Variants in CTNNA3 observed in about 807,000 individuals in gnomAD.
CTNNA3 encodes the protein catenin alpha-3.
A neutral mutation model predicts 95.7 loss-of-function variants in CTNNA3; 76 were observed. That is an observed-to-expected ratio of 0.79 (90% confidence interval 0.66 to 0.96). The LOEUF (loss-of-function observed/expected upper bound fraction) is 0.96, where lower values mean the gene tolerates loss of function less well. Ranked by LOEUF, CTNNA3 falls within the 40% of genes least tolerant of loss-of-function variation. The probability of loss-of-function intolerance (pLI) is 0.00; values close to 1 mark genes in which losing one functional copy is unlikely to be tolerated. For missense variants in CTNNA3, 1,191 were observed against 1,089.8 expected, an observed-to-expected ratio of 1.09 and a Z score of -1.31; for synonymous variants, 431 against 374.4, an observed-to-expected ratio of 1.15 and a Z score of -1.74.
At chr10:65,934,850 G>A (rs890628360) in intron 17 of CTNNA3, among the ~76,000 whole-genome samples, 2 of 152,046 alleles carry the variant, frequency 1.3e-5, no homozygotes, top group Non-Finnish European at 2.9e-5. Flanking sequence ...ATTGATTGAG[G>A]ACCGATATAA....
At position 66,291,267 on chromosome 10, in the gene CTNNA3, T is replaced by C. The variant is rs555216948; in HGVS notation, c.1733-10646A>G. Among the ~76,000 whole-genome samples, 7 of 152,288 alleles carry C rather than the reference T, an allele frequency of 4.6e-5. 1 individual carries two copies. In the South Asian group the frequency reaches 1.0e-3, roughly 23 times the overall value. ...TAGTCCTGTGCAAACAGTAAATTCA[T>C]TGCTCGGTAAACTTTATTATAACAC... On this transcript the variant is annotated intron_variant, in intron 12 of 17. Transcript: ENST00000433211.
chr10:66,162,937 C>T lies in CTNNA3; in HGVS notation c.1885-59688G>A, dbSNP rs1285295241. Among the ~76,000 whole-genome samples, 6 of 152,016 alleles carry T rather than the reference C, an allele frequency of 3.9e-5. No individual in the cohort carries two copies. In the East Asian group the frequency reaches 1.2e-3, roughly 30 times the overall value. ...TTCCCAGGTCACTGGAGTTGTGTAC[C>T]TAGGAGGATTACGGCTGCCTCTGTT... On this transcript the variant is annotated intron_variant, in intron 13 of 17. Coordinates refer to ENST00000433211, the MANE Select transcript of CTNNA3 (RefSeq NM_013266.4).
intron 7 of CTNNA3, among the ~76,000 whole-genome samples, chr10:67,081,907 G>A (rs971053150): frequency 2.6e-5 from 4 of 152,294 alleles, no homozygotes; most frequent in African/African-American, 9.6e-5. Context: ...CACTAGTTAT[G>A]TTTATATGCA....
chr10:66,852,740 A>G (rs1432045610), intron 7 of CTNNA3, among the ~76,000 whole-genome samples: 1 of 152,184 alleles, frequency 6.6e-6, no homozygotes, highest in South Asian at 2.1e-4. Context: ...ACTGTAAAAC[A>G]TAAGTTTACA....
intron 7 of CTNNA3, among the ~76,000 whole-genome samples, chr10:67,142,719 G>C (rs762483524): frequency 6.6e-5 from 10 of 152,066 alleles, no homozygotes; most frequent in Non-Finnish European, 1.2e-4. Context: ...GGATCACAAG[G>C]TCAGGAGATC....
chr10:67,751,836 CAAAA>C (rs34653199), intron 1 of CTNNA3, among the ~76,000 whole-genome samples: 1 of 93,168 alleles, frequency 1.1e-5, no homozygotes, highest in Non-Finnish European at 2.4e-5. Context: ...AGCTACCAAC[CAAAA>C]AAAAAAAAAA....
At chr10:67,276,129 T>C (rs561753218) in intron 5 of CTNNA3, among the ~76,000 whole-genome samples, 91 of 152,282 alleles carry the variant, frequency 6.0e-4, no homozygotes, top group African/African-American at 2.0e-3. Flanking sequence ...TTGTCACTAG[T>C]TGCAAATTAA....
chr10:66,456,390 A>G (rs987196255), intron 11 of CTNNA3, among the ~76,000 whole-genome samples: 2 of 152,198 alleles, frequency 1.3e-5, no homozygotes, highest in African/African-American at 2.4e-5. Context: ...GTGCAAAATA[A>G]TCCAATGGGG....
intron 2 of CTNNA3, among the ~76,000 whole-genome samples, chr10:67,640,358 T>C (rs367617175): frequency 1.5e-3 from 226 of 151,510 alleles, no homozygotes; most frequent in African/African-American, 5.2e-3. Flanking sequence ...TAAAAGAGGA[T>C]ACAAACAAAT....
chr10:67,736,181 A>G (rs1481985476), intron 1 of CTNNA3, among the ~76,000 whole-genome samples: 1 of 152,216 alleles, frequency 6.6e-6, no homozygotes, highest in Non-Finnish European at 1.5e-5. Context: ...TAAGTGAAAT[A>G]AGCCTGACAC....
At chr10:66,868,151 G>A (rs912864422) in intron 7 of CTNNA3, among the ~76,000 whole-genome samples, 6 of 147,398 alleles carry the variant, frequency 4.1e-5, no homozygotes, top group African/African-American at 1.5e-4. Context: ...GAGGTCAGGA[G>A]TTCAAGACCA....
At chr10:65,995,801 TA>T (rs2078644690) in intron 15 of CTNNA3, among the ~76,000 whole-genome samples, 1 of 152,170 alleles carries the variant, frequency 6.6e-6, no homozygotes, top group Non-Finnish European at 1.5e-5. Flanking sequence ...GGCCTGCGCT[TA>T]AGCACCTGAA....
chr10:66,549,396 G>A (rs1376374992), intron 10 of CTNNA3, among the ~76,000 whole-genome samples: 2 of 152,044 alleles, frequency 1.3e-5, no homozygotes, highest in Admixed American at 6.6e-5. Flanking sequence ...ATTGATTATC[G>A]TTTTTATTAT....
rs77701032 is a variant in CTNNA3 at position 67,129,970 on chromosome 10, A to C, written c.1047+50347T>G. The stretch of plus-strand genomic sequence containing the variant: ...AGAGAGTTATCTAGGATCCATATAG[A>C]AGCATACTTAGATATTTTCTGATAT... On this transcript the variant is annotated intron_variant, in intron 7 of 17. Transcript: ENST00000433211. 9.0e-3 allele frequency among the ~76,000 whole-genome samples: 1,368 copies of C among 152,252 alleles called. 28 individuals carry two copies. Among genetic ancestry groups the C allele is most frequent in the African/African-American group, 0.031 (1,303 of 41,568 alleles).
chr10:66,695,541 CCT>C lies in CTNNA3; in HGVS notation c.1281+70721_1281+70722del, dbSNP rs142711149. 6.9e-3 allele frequency among the ~76,000 whole-genome samples: 1,056 copies of C among 151,986 alleles called. 12 individuals are homozygous for C. The highest frequency in any genetic ancestry group is 0.024 in the African/African-American group (1,001 of 41,436). Reference sequence around the variant, plus strand: ...AGAATCTATTATTATCCTCGAATACCCTCTGTGATACACATAGAAATAGACAC... The same window carrying C: ...AGAATCTATTATTATCCTCGAATACCCTGTGATACACATAGAAATAGACAC... On this transcript the variant is annotated intron_variant, in intron 9 of 17. Transcript: ENST00000433211.
chr10:66,456,553 G>T (rs1248000625), intron 11 of CTNNA3, among the ~76,000 whole-genome samples: 1 of 152,036 alleles, frequency 6.6e-6, no homozygotes, highest in Admixed American at 6.6e-5. Context: ...GCACATGACT[G>T]TAATCCCAGC....
chr10:66,515,038 T>C (rs991181297), intron 11 of CTNNA3, among the ~76,000 whole-genome samples: 10 of 152,260 alleles, frequency 6.6e-5, no homozygotes, highest in South Asian at 2.1e-4. Context: ...TATTGGACCA[T>C]TGAATCATAC....
intron 10 of CTNNA3, among the ~76,000 whole-genome samples, chr10:66,552,056 A>T (rs1489650290): frequency 4.0e-5 from 6 of 151,704 alleles, no homozygotes; most frequent in Non-Finnish European, 7.4e-5. Context: ...GGCGTGTGCC[A>T]CCACGCCCGG....
At chr10:66,310,803 C>A (rs1417432417) in intron 12 of CTNNA3, among the ~76,000 whole-genome samples, 1 of 151,740 alleles carries the variant, frequency 6.6e-6, no homozygotes, top group African/African-American at 2.4e-5. Flanking sequence ...TCTGCCTCAG[C>A]CTCCCAAGTA....
Sources: allele counts gnomAD v4.1 joint callset (sites outside exome capture counted in the v4.1 genomes callset), GRCh38; gene constraint gnomAD v4.1.1; transcripts MANE v1.5; gene names NCBI Gene and HGNC (gene_info 2026-07-23, HGNC 2026-07-21).